Variants in RNF19A observed in about 807,000 individuals in gnomAD.
RNF19A encodes the protein E3 ubiquitin-protein ligase RNF19A.
A neutral mutation model predicts 75.7 loss-of-function variants in RNF19A; 32 were observed. That is an observed-to-expected ratio of 0.42 (90% CI 0.32 to 0.57). The LOEUF is 0.57. Ranked by LOEUF, RNF19A falls within the 20% of genes least tolerant of loss-of-function variation. The probability of loss-of-function intolerance (pLI) is 0.10; values close to 1 mark genes in which losing one functional copy is unlikely to be tolerated. For synonymous variants in RNF19A, 335 were observed against 345.2 expected (o/e 0.97, Z 0.33); for missense variants, 782 against 1,036.3 (o/e 0.75, Z 3.37).
Position 100,259,785 on chromosome 8 carries a change from T to G in RNF19A, c.1826+69A>C. Reference sequence around the variant, plus strand: ...TGGTAGCCACTTTTCACTGGTAATTTGTCTAATGATAGGAATTATTCCTTT... The same window carrying G: ...TGGTAGCCACTTTTCACTGGTAATTGGTCTAATGATAGGAATTATTCCTTT... On this transcript the variant is annotated intron_variant, in intron 9 of 9. Transcript: ENST00000341084. The surrounding 1 kb of genome is among the most constrained non-coding windows in gnomAD (Gnocchi z 4.5). 1 of 1,383,488 alleles carries G rather than the reference T, an allele frequency of 7.2e-7. No individual in the cohort carries two copies. Among genetic ancestry groups the G allele is most frequent in the Non-Finnish European group, 9.9e-7 (1 of 1,009,312 alleles). 85.7% of individuals were successfully genotyped at this position (1,383,488 alleles called of 1,614,324 possible). A position where few individuals can be genotyped will look rare whatever the true frequency, so the allele number is the denominator to read the frequency against.
At chr8:100,307,964 ACTGT>A (rs1241564407) in intron 1 of RNF19A, among the ~76,000 whole-genome samples, 4 of 152,120 alleles carry the variant, frequency 2.6e-5, no homozygotes, top group African/African-American at 9.7e-5. Context: ...AAATCCCAAC[ACTGT>A]CTGGTTGACA....
At position 100,264,482 on chromosome 8, in the gene RNF19A, GTA is replaced by G; in HGVS notation, c.1306+187_1306+188del. ...ACTTGGGGTGGAGTGGGGAGGAAGG[GTA>G]TCAGCCACTAACAATTTACCAACTA... On this transcript the variant is annotated intron_variant, in intron 6 of 9. Transcript: ENST00000341084. This position sits in a 1 kb window ranked among gnomAD's most constrained non-coding sequence, Gnocchi z 4.7. The G allele has an allele frequency of 3.4e-6, 2 of 590,640 alleles. No homozygotes were observed. The highest frequency in any genetic ancestry group is 5.9e-6 in the Non-Finnish European group (2 of 337,492). 36.6% of individuals were successfully genotyped at this position (590,640 alleles called of 1,614,324 possible).
At chr8:100,293,671 T>A (rs1363801849) in intron 1 of RNF19A, among the ~76,000 whole-genome samples, 9 of 152,160 alleles carry the variant, frequency 5.9e-5, no homozygotes, top group Non-Finnish European at 1.3e-4. Flanking sequence ...GGAAAATTAT[T>A]TCTTTAAGTA....
chr8:100,261,744 C>T lies in RNF19A; in HGVS notation c.1480G>A (p.Val494Ile), dbSNP rs2132489735. 1 of 1,614,090 alleles carries T rather than the reference C, an allele frequency of 6.2e-7. No individual in the cohort carries two copies. ...CTTGGGTTGTGTCTTGCTTCTGCTA[C>T]TGATGTTGTGTCTAAATGCAAATAT... is the stretch of plus-strand genomic sequence containing the variant. ...GTNTAVDTTS[V>I]AEARHNPSIG... The change falls in exon 8 of 10, where the codon GTA becomes ATA. Residue 494 changes from valine to isoleucine, a missense_variant. By Grantham distance (29) the Val-to-Ile change is conservative (BLOSUM62 3). This residue lies in a region of RNF19A where 442 missense variants were observed against 541.6 expected (regional missense o/e 0.82). Transcript: ENST00000341084. This position sits in a 1 kb window ranked among gnomAD's most constrained non-coding sequence, Gnocchi z 4.4.
intron 1 of RNF19A, among the ~76,000 whole-genome samples, chr8:100,326,157 C>T (rs1822530775): frequency 6.6e-6 from 1 of 152,154 alleles, no homozygotes; most frequent in African/African-American, 2.4e-5. Flanking sequence ...ATCACCCTCA[C>T]ATGCATACGA....
rs141872318 is a variant in RNF19A at position 100,264,587 on chromosome 8, T to C, written c.1306+84A>G. The C allele has an allele frequency of 8.9e-4, 807 of 909,056 alleles. 5 individuals are homozygous for C. The African/African-American group carries it at 9.1e-3, about 10-fold the overall frequency. The allele number at this position is 909,056 out of a possible 1,614,324, so 56.3% of individuals were successfully genotyped here. ...GGCTCAATTTAAATTGTCCTCAAAT[T>C]AAAAAACAATTAAAAAAAATCCTTC... On this transcript the variant is annotated intron_variant, in intron 6 of 9. Coordinates refer to ENST00000341084, the MANE Select transcript of RNF19A (RefSeq NM_183419.4). The surrounding 1 kb of genome is among the most constrained non-coding windows in gnomAD (Gnocchi z 4.7).
chr8:100,306,807 A>G lies in RNF19A; in HGVS notation c.-94+3060T>C, dbSNP rs146592466. ...TTTCAATGTTAGACATCTTCTATCT[A>G]CTAACAGAGAACTGGCATGGCTTAA... On this transcript the variant is annotated intron_variant, in intron 1 of 9. Coordinates refer to ENST00000341084, the MANE Select transcript of RNF19A (RefSeq NM_183419.4). 5.3e-5 allele frequency among the ~76,000 whole-genome samples: 8 copies of G among 152,350 alleles called. No individual in the cohort carries two copies. The East Asian group carries it at 1.3e-3, about 26-fold the overall frequency.
At position 100,317,052 on chromosome 8, in the gene RNF19A, T is replaced by C. The variant is rs532813516; in HGVS notation, c.-242-3680A>G. On this transcript the variant is annotated intron_variant, in intron 1 of 3. Coordinates refer to the RNF19A transcript ENST00000519527. The surrounding 1 kb of genome is among the most constrained non-coding windows in gnomAD (Gnocchi z 4.3). ...CCTCATTGCCCGGGACCAGCAGCGC[T>C]GCCCGGCTACTCTGAGTGCGGGGCC... 2.6e-5 allele frequency among the ~76,000 whole-genome samples: 4 copies of C among 151,896 alleles called. No individual in the cohort carries two copies. The highest frequency in any genetic ancestry group is 9.6e-5 in the African/African-American group (4 of 41,468).
Position 100,259,857 on chromosome 8 carries a change from T to C in RNF19A, c.1823A>G (p.Asp608Gly). The C allele has an allele frequency of 6.2e-7, 1 of 1,610,426 alleles. No homozygotes were observed. The highest frequency in any genetic ancestry group is 1.1e-5 in the South Asian group (1 of 90,296). Residue 608 changes from aspartate (D) to glycine (G), a missense_variant, in exon 9 of 10, where the codon GAC becomes GGC. Asp to Gly is a moderately conservative substitution (Grantham distance 94). Coordinates refer to ENST00000341084, the MANE Select transcript of RNF19A (RefSeq NM_183419.4). This position sits in a 1 kb window ranked among gnomAD's most constrained non-coding sequence, Gnocchi z 4.5. Reference protein sequence around the residue: ...GSILNSYIPLDKEGNSMEVQV... With the variant: ...GSILNSYIPLGKEGNSMEVQV... ...TTTTTAACAGTTTTTTCCTTACTTG[T>C]CCAATGGGATGTAGGAATTCAGAAT...
intron 2 of RNF19A, among the ~76,000 whole-genome samples, chr8:100,280,956 T>C (rs745470152): frequency 2.2e-4 from 34 of 151,628 alleles, no homozygotes; most frequent in Non-Finnish European, 4.4e-4. Flanking sequence ...ATTCCAGGAG[T>C]CTCTCTGCTC....
At position 100,264,282 on chromosome 8, in the gene RNF19A, G is replaced by A. The variant is rs1819866954; in HGVS notation, c.1307-87C>T. The A allele has an allele frequency of 1.7e-6, 2 of 1,167,050 alleles. No homozygotes were observed. The highest frequency in any genetic ancestry group is 2.4e-6 in the Non-Finnish European group (2 of 838,816). 72.3% of individuals were successfully genotyped at this position (1,167,050 alleles called of 1,614,324 possible). A position where few individuals can be genotyped will look rare whatever the true frequency, so the allele number is the denominator to read the frequency against. ...AGTTTTAGAAAGTCTTTTCAAGAGA[G>A]TCATACAGAGAAAAGCGCCAGGGTT... On this transcript the variant is annotated intron_variant, in intron 6 of 9. Coordinates refer to ENST00000341084, the MANE Select transcript of RNF19A (RefSeq NM_183419.4). The surrounding 1 kb of genome is among the most constrained non-coding windows in gnomAD (Gnocchi z 4.7).
Position 100,326,418 on chromosome 8 carries a change from A to G in RNF19A, c.-243+9690T>C, listed in dbSNP as rs1822534333. Among the ~76,000 whole-genome samples the G allele has an allele frequency of 2.0e-5, 3 of 152,024 alleles. No homozygotes were observed. In the South Asian group the frequency reaches 6.2e-4, roughly 32 times the overall value. On this transcript the variant is annotated intron_variant, in intron 1 of 3. Coordinates refer to the RNF19A transcript ENST00000519527. ...ATGCCCACATTCTTTCATTCCTTTT[A>G]TTTAGCAAATTCTAACTGAGAATCA...
In RNF19A at chr8:100,259,238, T is replaced by C. The variant is rs568798558; in HGVS notation, c.1835A>G (p.Asn612Ser). 1.9e-6 allele frequency: 3 copies of C among 1,604,158 alleles called. No homozygotes were observed. Among genetic ancestry groups the C allele is most frequent in the African/African-American group, 1.3e-5 (1 of 74,798 alleles). The change falls in exon 10 of 10, where the codon AAC (asparagine) becomes AGC (serine). Residue 612 changes from asparagine (N) to serine (S), a missense_variant. This residue lies in a region of RNF19A where 442 missense variants were observed against 541.6 expected (regional missense o/e 0.82). Coordinates refer to ENST00000341084, the MANE Select transcript of RNF19A (RefSeq NM_183419.4). The surrounding 1 kb of genome is among the most constrained non-coding windows in gnomAD (Gnocchi z 4.5). ...NSYIPLDKEG[N>S]SMEVQVDIES... ...AATATCTACTTGCACCTCCATACTG[T>C]TGCCTTCTCTGAAATATAAGAGTAA...
chr8:100,288,097 TAGAATTG>T lies in RNF19A; in HGVS notation c.71_77del (p.Ser24Ter). On this transcript the variant is annotated frameshift_variant, in exon 2 of 10. Coordinates refer to ENST00000341084, the MANE Select transcript of RNF19A (RefSeq NM_183419.4). LOFTEE classifies it high-confidence loss of function. Reference sequence around the variant, plus strand: ...GTAAACTCATGTCTAAAATGCTTGTTAGAATTGAGACAGGGTCAGTGTTTACACACAG... The same window carrying T: ...GTAAACTCATGTCTAAAATGCTTGTTAGACAGGGTCAGTGTTTACACACAG... The T allele has an allele frequency of 6.2e-7, 1 of 1,614,178 alleles. No homozygotes were observed. Among genetic ancestry groups the T allele is most frequent in the South Asian group, 1.1e-5 (1 of 91,088 alleles).
intron 2 of RNF19A, among the ~76,000 whole-genome samples, chr8:100,277,381 G>A (rs933278985): frequency 5.9e-5 from 9 of 151,794 alleles, no homozygotes; most frequent in Admixed American, 3.3e-4. Context: ...GCGCGATCTC[G>A]GCTCACTGCA....
chr8:100,264,126 C>A lies in RNF19A; in HGVS notation c.1376G>T (p.Gly459Val). The change falls in exon 7 of 10, where the codon GGT becomes GTT. Residue 459 changes from glycine to valine, a missense_variant. Gly to Val is a moderately radical substitution (Grantham distance 109). Around this residue, in one of 7 missense-constraint regions of RNF19A, gnomAD observed 442 missense variants for 541.6 expected, o/e 0.82. Coordinates refer to ENST00000341084, the MANE Select transcript of RNF19A (RefSeq NM_183419.4). The surrounding 1 kb of genome is among the most constrained non-coding windows in gnomAD (Gnocchi z 4.7). ...VVPISLCRSG[G>V]CGVSAGNGKG... ...TCCATTGCCTGCTGAGACTCCACAA[C>A]CTCCGCTTCGACAAAGAGAAATTGG... 6.2e-7 allele frequency: 1 copy of A among 1,613,720 alleles called. No individual in the cohort carries two copies. Among genetic ancestry groups the A allele is most frequent in the Non-Finnish European group, 8.5e-7 (1 of 1,179,710 alleles).
chr8:100,308,178 T>C (rs1822134473), intron 1 of RNF19A, among the ~76,000 whole-genome samples: 1 of 152,188 alleles, frequency 6.6e-6, no homozygotes, highest in African/African-American at 2.4e-5. Context: ...CTAACATTAG[T>C]TGCCAACTGT....
chr8:100,318,407 G>A (rs540301782), intron 1 of RNF19A, among the ~76,000 whole-genome samples: 3 of 152,098 alleles, frequency 2.0e-5, no homozygotes, highest in East Asian at 3.9e-4. Context: ...AATTTTTCTC[G>A]TGCTATATTT....
At position 100,287,056 on chromosome 8, in the gene RNF19A, G is replaced by A. The variant is rs1416513069; in HGVS notation, c.674+445C>T. 2.0e-5 allele frequency among the ~76,000 whole-genome samples: 3 copies of A among 151,924 alleles called. No homozygotes were observed. Among genetic ancestry groups the A allele is most frequent in the Non-Finnish European group, 4.4e-5 (3 of 67,986 alleles). On this transcript the variant is annotated intron_variant, in intron 2 of 9. Coordinates refer to ENST00000341084, the MANE Select transcript of RNF19A (RefSeq NM_183419.4). This position sits in a 1 kb window ranked among gnomAD's most constrained non-coding sequence, Gnocchi z 4.1. Reference sequence around the variant, plus strand: ...TCATACTGTGGCACATGCTAAGGTAGGTACCTTTCAAAAGGGCCATTTATC... The same window carrying A: ...TCATACTGTGGCACATGCTAAGGTAAGTACCTTTCAAAAGGGCCATTTATC...
Sources: gnomAD v4.1 joint callset for allele counts (sites outside exome capture counted in the v4.1 genomes callset) on GRCh38, gnomAD v4.1.1 for gene constraint, gnomAD v4.1.1 regional missense constraint, Gnocchi (gnomAD v3.1) non-coding constraint, MANE v1.5 for transcripts, NCBI Gene and HGNC (gene_info 2026-07-23, HGNC 2026-07-21) for gene names.